PKP4: variants seen among roughly 807,000 people sequenced by gnomAD.
The protein encoded by PKP4 is plakophilin-4.
A neutral mutation model predicts 145.1 loss-of-function variants in PKP4; 90 were observed. The observed-to-expected ratio is 0.62, with a 90% CI of 0.52 to 0.74. PKP4 has a LOEUF of 0.74. PKP4 is among the 30% of genes least tolerant of loss of function. The probability of loss-of-function intolerance (pLI) is 0.00; values close to 1 mark genes in which losing one functional copy is unlikely to be tolerated. For missense variants in PKP4, 1,340 were observed against 1,482.7 expected (o/e 0.90, Z 1.58); for synonymous variants, 563 against 577.2 (o/e 0.98, Z 0.35).
intron 1 of PKP4, among the ~76,000 whole-genome samples, chr2:158,528,636 TAAAAAA>T (rs70994211): frequency 3.7e-5 from 3 of 81,548 alleles, no homozygotes; most frequent in Non-Finnish European, 6.8e-5. Context: ...TAAAGTATAA[TAAAAAA>T]AAAAAAAGAA....
In PKP4 at chr2:158,498,455, A is replaced by G. The variant is rs368515194; in HGVS notation, c.-5-34725A>G. On this transcript the variant is annotated intron_variant, in intron 1 of 21. Transcript: ENST00000389759. The stretch of plus-strand genomic sequence containing the variant: ...TTTTTTGTTGTGAGATGCTTTAAAA[A>G]TGTTAACATTTTATCATGTTATCAG... 7.9e-5 allele frequency among the ~76,000 whole-genome samples: 12 copies of G among 152,354 alleles called. No homozygotes were observed. In the South Asian group the frequency reaches 2.5e-3, roughly 32 times the overall value.
At chr2:158,591,340 TA>T (rs1452099550) in intron 3 of PKP4, among the ~76,000 whole-genome samples, 1 of 152,056 alleles carries the variant, frequency 6.6e-6, no homozygotes, top group East Asian at 1.9e-4. Flanking sequence ...GTGGTTATGT[TA>T]TTTTTTAAAG....
In PKP4 at chr2:158,624,868, C is replaced by T. The variant is rs774182387; in HGVS notation, c.604-10C>T. 1 of 1,551,894 alleles carries T rather than the reference C, an allele frequency of 6.4e-7. No individual in the cohort carries two copies. Among genetic ancestry groups the T allele is most frequent in the Non-Finnish European group, 8.7e-7 (1 of 1,148,492 alleles). On this transcript the variant is annotated splice_polypyrimidine_tract_variant and intron_variant, in intron 6 of 21. Transcript: ENST00000389759. ...TAAACCCATTCTCTTTTTTCCCCCC[C>T]TTTCATCAGCCATCAGTAGCCAATC... is the stretch of plus-strand genomic sequence containing the variant.
At chr2:158,496,760 G>A (rs1001855249) in intron 1 of PKP4, among the ~76,000 whole-genome samples, 8 of 12,728 alleles carry the variant, frequency 6.3e-4, no homozygotes, top group African/African-American at 3.1e-3. Flanking sequence ...TTCTCTCTCC[G>A]TGTGTGTGTG....
intron 13 of PKP4, 96 bp from the exon 14 acceptor site, chr2:158,662,801 A>G (rs991742694): frequency 2.3e-6 from 2 of 881,262 alleles, no homozygotes; most frequent in African/African-American, 3.3e-5. Context: ...GTTCTTTCAT[A>G]TTTCCCATTT....
rs998421571 is a variant in PKP4, at chr2:158,669,754, C to T, written c.2763C>T (p.Leu921=). The T allele has an allele frequency of 2.5e-6, 4 of 1,602,720 alleles. No individual in the cohort carries two copies. Among genetic ancestry groups the T allele is most frequent in the Non-Finnish European group, 3.4e-6 (4 of 1,172,242 alleles). The change falls in exon 17 of 22, where the codon CTC becomes CTT. Residue 921 remains leucine (L), a synonymous_variant. Coordinates refer to ENST00000389759, the MANE Select transcript of PKP4 (RefSeq NM_003628.6). ...KYAMRDLVNR[L]PGGNGPSVLS... is the part of the protein sequence containing the mutation. Reference sequence around the variant, plus strand: ...CCATGCGAGACCTGGTCAACCGGCTCCCCGGCGGCAATGGCCCCAGTGTCT... The same window carrying T: ...CCATGCGAGACCTGGTCAACCGGCTTCCCGGCGGCAATGGCCCCAGTGTCT...
intron 1 of PKP4, 79 bp from the exon 2 acceptor site, chr2:158,533,101 C>A: frequency 2.1e-6 from 3 of 1,418,990 alleles, no homozygotes; most frequent in South Asian, 2.9e-5. Flanking sequence ...ACTGTAGTTG[C>A]TAGGAACCAT....
At chr2:158,662,644 G>A (rs531506474) in intron 13 of PKP4, 27 of 320,206 alleles carry the variant, frequency 8.4e-5, no homozygotes, top group Middle Eastern at 8.9e-4. Flanking sequence ...ACACTGGGCC[G>A]GAGCCTCAAG....
intron 2 of PKP4, among the ~76,000 whole-genome samples, chr2:158,536,088 T>A (rs2044012977): frequency 6.6e-6 from 1 of 152,194 alleles, no homozygotes; most frequent in African/African-American, 2.4e-5. Context: ...AGGCTCCTCT[T>A]AGGAGGAGCT....
intron 3 of PKP4, among the ~76,000 whole-genome samples, chr2:158,590,942 C>G (rs1429019472): frequency 6.6e-6 from 1 of 151,984 alleles, no homozygotes; most frequent in Admixed American, 6.6e-5. Context: ...TCACCTGATA[C>G]GATGCAATGA....
Position 158,568,665 on chromosome 2 carries a change from G to A in PKP4, c.133-8606G>A, listed in dbSNP as rs553843962. The stretch of plus-strand genomic sequence containing the variant: ...TGAAGAGCCAAGGGCAAGTTACTCA[G>A]TGAGTCACTGTTGAGTAGACAGTCT... On this transcript the variant is annotated intron_variant, in intron 2 of 21. Coordinates refer to ENST00000389759, the MANE Select transcript of PKP4 (RefSeq NM_003628.6). Among the ~76,000 whole-genome samples, 75 of 152,258 alleles carry A rather than the reference G, an allele frequency of 4.9e-4. 1 individual carries two copies. Among genetic ancestry groups the A allele is most frequent in the African/African-American group, 1.8e-3 (75 of 41,544 alleles).
At chr2:158,545,823 T>C (rs1007933585) in intron 2 of PKP4, among the ~76,000 whole-genome samples, 2 of 152,200 alleles carry the variant, frequency 1.3e-5, no homozygotes, top group African/African-American at 4.8e-5. Context: ...GAATTATGAT[T>C]ACTTTTGTTA....
chr2:158,605,405 A>G (rs907246560), intron 4 of PKP4, among the ~76,000 whole-genome samples: 1 of 152,212 alleles, frequency 6.6e-6, no homozygotes, highest in African/African-American at 2.4e-5. Flanking sequence ...AAAAATATAT[A>G]CACAAGGAAG....
At chr2:158,621,715 C>T (rs1490874302) in intron 6 of PKP4, among the ~76,000 whole-genome samples, 3 of 147,882 alleles carry the variant, frequency 2.0e-5, no homozygotes, top group Non-Finnish European at 3.0e-5. Flanking sequence ...CACTGCACTC[C>T]AGCCTGGGCG....
At chr2:158,662,661 G>A (rs186114137) in intron 13 of PKP4, 11 of 353,248 alleles carry the variant, frequency 3.1e-5, no homozygotes, top group African/African-American at 1.0e-4. Context: ...CAAGCATTTC[G>A]GTCGGCATGA....
intron 1 of PKP4, among the ~76,000 whole-genome samples, chr2:158,521,087 C>G (rs962656408): frequency 6.6e-6 from 1 of 152,162 alleles, no homozygotes; most frequent in African/African-American, 2.4e-5. Flanking sequence ...AAGAGTGTCT[C>G]TACTTAATCA....
intron 17 of PKP4, 72 bp from the exon 18 acceptor site, chr2:158,673,605 C>A: frequency 8.8e-7 from 1 of 1,137,622 alleles, no homozygotes. Context: ...CACTGATTTT[C>A]ATCCTGCACC....
chr2:158,577,849 T>C (rs559007969), intron 3 of PKP4, among the ~76,000 whole-genome samples: 2 of 152,340 alleles, frequency 1.3e-5, no homozygotes, highest in East Asian at 3.9e-4. Context: ...TATGGAATAA[T>C]TTACTGTACT....
At chr2:158,551,628 A>T (rs1393191987) in intron 2 of PKP4, among the ~76,000 whole-genome samples, 4 of 152,196 alleles carry the variant, frequency 2.6e-5, no homozygotes, top group Non-Finnish European at 5.9e-5. Flanking sequence ...TTTCTAAAAT[A>T]TTTTTACTTT....
Sources: allele counts gnomAD v4.1 joint callset (sites outside exome capture counted in the v4.1 genomes callset), GRCh38; gene constraint gnomAD v4.1.1; transcripts MANE v1.5; gene names NCBI Gene and HGNC (gene_info 2026-07-23, HGNC 2026-07-21).